Variants in TMEM178A observed in about 807,000 individuals in gnomAD.
The protein encoded by TMEM178A is transmembrane protein 178.
TMEM178A carries 12 observed loss-of-function variants against 29.1 expected under a neutral mutation model. The observed-to-expected ratio is 0.41, with a 90% CI of 0.26 to 0.67. The LOEUF (loss-of-function observed/expected upper bound fraction) is 0.67, where lower values mean the gene tolerates loss of function less well. Ranked by LOEUF, TMEM178A falls within the 30% of genes least tolerant of loss-of-function variation. The pLI is 0.29. For synonymous variants in TMEM178A, 210 were observed against 187.2 expected (o/e 1.12, Z -0.99); for missense variants, 366 against 419.1 (o/e 0.87, Z 1.11).
intron 1 of TMEM178A, among the ~76,000 whole-genome samples, chr2:39,671,401 T>C (rs6712683): frequency 6.6e-6 from 1 of 152,202 alleles, no homozygotes; most frequent in African/African-American, 2.4e-5. Flanking sequence ...AGAGCAGATA[T>C]ATCTAGGGAA....
rs1277063105 is a variant in TMEM178A at position 39,700,455 on chromosome 2, T to G, written c.401-3626T>G. ...TTTCTCTCTGGTAACAATTTTTGTCTTAAATTCTGTTTTGTTTGATATTAG... is the reference window on the plus strand; with the variant it reads ...TTTCTCTCTGGTAACAATTTTTGTCGTAAATTCTGTTTTGTTTGATATTAG... On this transcript the variant is annotated intron_variant, in intron 1 of 3. Coordinates refer to ENST00000281961, the MANE Select transcript of TMEM178A (RefSeq NM_152390.3). Among the ~76,000 whole-genome samples the G allele has an allele frequency of 2.0e-5, 3 of 152,082 alleles. No homozygotes were observed. In the East Asian group the frequency reaches 5.8e-4, roughly 29 times the overall value.
chr2:39,702,172 C>G lies in TMEM178A; in HGVS notation c.401-1909C>G, dbSNP rs988374150. Among the ~76,000 whole-genome samples, 15 of 151,950 alleles carry G rather than the reference C, an allele frequency of 9.9e-5. No homozygotes were observed. The East Asian group carries it at 2.9e-3, about 29-fold the overall frequency. ...CAGCTCTGAAATTAGATTCTTGTCC[C>G]TTTCTAGGGTTGATTATTGTTTTTA... On this transcript the variant is annotated intron_variant, in intron 1 of 3. Transcript: ENST00000281961.
At chr2:39,674,217 A>T (rs1670520344) in intron 1 of TMEM178A, among the ~76,000 whole-genome samples, 1 of 152,200 alleles carries the variant, frequency 6.6e-6, no homozygotes, top group Non-Finnish European at 1.5e-5. Context: ...AAGATACTTG[A>T]ACGTGCATGT....
intron 1 of TMEM178A, among the ~76,000 whole-genome samples, chr2:39,697,146 C>T (rs1671578677): frequency 6.6e-6 from 1 of 152,222 alleles, no homozygotes; most frequent in African/African-American, 2.4e-5. Flanking sequence ...GAACTTCCGT[C>T]ACCATCTATG....
chr2:39,709,273 T>A (rs555279134), intron 3 of TMEM178A, among the ~76,000 whole-genome samples: 2 of 152,318 alleles, frequency 1.3e-5, no homozygotes, highest in African/African-American at 4.8e-5. Flanking sequence ...CACTCACCCC[T>A]ATCCCACTCC....
intron 1 of TMEM178A, among the ~76,000 whole-genome samples, chr2:39,672,497 T>C (rs2148054964): frequency 6.6e-6 from 1 of 152,294 alleles, no homozygotes; most frequent in Admixed American, 6.5e-5. Flanking sequence ...TCAGGCAGAC[T>C]GCTCGTAATT....
At chr2:39,722,923 G>A (rs187826874), downstream of TMEM178A, among the ~76,000 whole-genome samples, 81 of 152,260 alleles carry the variant, frequency 5.3e-4, no homozygotes, top group East Asian at 0.013. Flanking sequence ...GGACCTTAGA[G>A]GTAAATTCCC....
At chr2:39,705,357 A>G (rs1203279733) in intron 2 of TMEM178A, among the ~76,000 whole-genome samples, 1 of 152,202 alleles carries the variant, frequency 6.6e-6, no homozygotes, top group African/African-American at 2.4e-5. Flanking sequence ...TCCCATGTGG[A>G]TTATATCTGA....
chr2:39,726,151 G>C, the TMEM178A span, among the ~76,000 whole-genome samples: 1 of 152,204 alleles, frequency 6.6e-6, no homozygotes, highest in East Asian at 1.9e-4. Context: ...GAGACAGACA[G>C]TAATAAAACA....
At chr2:39,735,724 C>G in the TMEM178A span, among the ~76,000 whole-genome samples, 9 of 152,198 alleles carry the variant, frequency 5.9e-5, no homozygotes. Flanking sequence ...GTAGGTGGCT[C>G]TTAGAATTTC....
Position 39,711,300 on chromosome 2 carries a change from T to C in TMEM178A, c.652+4114T>C, listed in dbSNP as rs182151683. Among the ~76,000 whole-genome samples the C allele has an allele frequency of 2.8e-4, 42 of 152,366 alleles. No homozygotes were observed. The East Asian group carries it at 4.6e-3, about 17-fold the overall frequency. Reference sequence around the variant, plus strand: ...ATTAGATGGGTATAATATATACTTATTATAATTTAAGTTATAAATCTTTTA... The same window carrying C: ...ATTAGATGGGTATAATATATACTTACTATAATTTAAGTTATAAATCTTTTA... On this transcript the variant is annotated intron_variant, in intron 3 of 3. Transcript: ENST00000281961.
the TMEM178A span, among the ~76,000 whole-genome samples, chr2:39,729,109 T>C: frequency 3.9e-5 from 6 of 151,970 alleles, no homozygotes; most frequent in Non-Finnish European, 7.4e-5. Context: ...ATTAGAATGC[T>C]CAATAGGGCC....
chr2:39,712,075 G>GTGTGTGTGTGTA (rs1445836734), intron 3 of TMEM178A, among the ~76,000 whole-genome samples: 3 of 150,920 alleles, frequency 2.0e-5, no homozygotes, highest in East Asian at 3.9e-4. Context: ...GTGTGTGTGT[G>GTGTGTGTGTGTA]TGTAAGAGTT....
At chr2:39,694,681 T>C (rs1671463513) in intron 1 of TMEM178A, among the ~76,000 whole-genome samples, 1 of 152,206 alleles carries the variant, frequency 6.6e-6, no homozygotes, top group Non-Finnish European at 1.5e-5. Context: ...ATTTAGATTT[T>C]GAAGACTTAG....
chr2:39,694,131 C>G (rs1426989225), intron 1 of TMEM178A, among the ~76,000 whole-genome samples: 1 of 147,740 alleles, frequency 6.8e-6, no homozygotes, highest in Non-Finnish European at 1.5e-5. Flanking sequence ...TGGATTTGTT[C>G]AGATAAAAAA....
At chr2:39,702,797 A>G (rs912456745) in intron 1 of TMEM178A, among the ~76,000 whole-genome samples, 3 of 152,126 alleles carry the variant, frequency 2.0e-5, no homozygotes, top group African/African-American at 4.8e-5. Flanking sequence ...AGGGAGATTC[A>G]GAGACTACCT....
rs1331579974 is a variant in TMEM178A at position 39,707,122 on chromosome 2, A to G, written c.588A>G (p.Thr196=). The change falls in exon 3 of 4, where the codon ACA becomes ACG. Residue 196 remains threonine, a synonymous_variant. Transcript: ENST00000281961. ...TTCTCTGCGGCTGCATTGTGGCCAC[A>G]GTCAGTTTCTTCTGGGAGGAGAGCT... ...AVLLCGCIVA[T]VSFFWEESLT... is the part of the protein sequence containing the mutation. 1 of 1,614,208 alleles carries G rather than the reference A, an allele frequency of 6.2e-7. No homozygotes were observed. The highest frequency in any genetic ancestry group is 2.2e-5 in the East Asian group (1 of 44,882).
intron 1 of TMEM178A, among the ~76,000 whole-genome samples, chr2:39,690,050 C>T (rs115785244): frequency 9.4e-4 from 143 of 152,312 alleles, no homozygotes; most frequent in African/African-American, 3.3e-3. Context: ...CCAAGATGCT[C>T]GCTTCTGCCT....
At chr2:39,714,914 T>A (rs902652957) in intron 3 of TMEM178A, among the ~76,000 whole-genome samples, 2 of 152,236 alleles carry the variant, frequency 1.3e-5, no homozygotes, top group Non-Finnish European at 1.5e-5. Context: ...GAAGTTTTAA[T>A]AAATATTCTT....
Sources: allele counts gnomAD v4.1 joint callset (sites outside exome capture counted in the v4.1 genomes callset), GRCh38; gene constraint gnomAD v4.1.1; transcripts MANE v1.5; gene names NCBI Gene and HGNC (gene_info 2026-07-23, HGNC 2026-07-21).